Variants in MYO1E observed in about 807,000 individuals in gnomAD.
MYO1E encodes myosin IE, also known as unconventional myosin-Ie.
MYO1E carries 68 observed loss-of-function variants against 151.1 expected under a neutral mutation model. The observed-to-expected ratio is 0.45, with a 90% CI of 0.37 to 0.55. MYO1E has a LOEUF of 0.55. MYO1E is among the 20% of genes least tolerant of loss of function. The pLI is 0.00. For missense variants in MYO1E, 1,363 were observed against 1,389.3 expected, an observed-to-expected ratio of 0.98 and a Z score of 0.30; for synonymous variants, 601 against 501.7, an observed-to-expected ratio of 1.20 and a Z score of -2.64.
intron 1 of MYO1E, among the ~76,000 whole-genome samples, chr15:59,365,314 C>T (rs60602721): frequency 0.024 from 3,673 of 152,166 alleles, 130 homozygotes; most frequent in African/African-American, 0.083. Context: ...CCACCGCGCC[C>T]GGCTGAATTC....
intron 14 of MYO1E, chr15:59,207,430 G>A (rs1478862483): frequency 1.2e-6 from 2 of 1,614,014 alleles, no homozygotes; most frequent in East Asian, 2.2e-5. Context: ...GCGAAATGTG[G>A]CCATCTTCAA....
intron 1 of MYO1E, among the ~76,000 whole-genome samples, chr15:59,297,045 A>G (rs79263606): frequency 0.58 from 35,400 of 61,442 alleles, 13,088 homozygotes; most frequent in South Asian, 0.82. Flanking sequence ...GTAGAGACAG[A>G]GTTTCACTGT....
chr15:59,181,131 C>G (rs1398851226), intron 18 of MYO1E, among the ~76,000 whole-genome samples: 1 of 152,178 alleles, frequency 6.6e-6, no homozygotes, highest in East Asian at 1.9e-4. Context: ...CTCTCCACCA[C>G]TCCGTGCTTT....
intron 16 of MYO1E, among the ~76,000 whole-genome samples, chr15:59,198,547 G>A (rs374797288): frequency 5.3e-5 from 8 of 152,176 alleles, no homozygotes; most frequent in African/African-American, 1.9e-4. Context: ...TGGGTGCAAC[G>A]GCTCACTCCT....
chr15:59,164,195 A>G (rs2079552545), intron 22 of MYO1E, among the ~76,000 whole-genome samples: 1 of 152,214 alleles, frequency 6.6e-6, no homozygotes, highest in Non-Finnish European at 1.5e-5. Flanking sequence ...TATGTAATTG[A>G]GAATTTGCAT....
At chr15:59,194,907 T>C (rs545836480) in intron 17 of MYO1E, among the ~76,000 whole-genome samples, 2 of 152,364 alleles carry the variant, frequency 1.3e-5, no homozygotes, top group African/African-American at 4.8e-5. Context: ...TGAATTCTTG[T>C]GCTCTGCATT....
chr15:59,201,000 G>A (rs1365255435), intron 16 of MYO1E, among the ~76,000 whole-genome samples: 2 of 152,038 alleles, frequency 1.3e-5, no homozygotes, highest in African/African-American at 2.4e-5. Flanking sequence ...GAAGTATTCA[G>A]CTGGTATAAT....
At chr15:59,338,204 G>A (rs2080741417) in intron 1 of MYO1E, among the ~76,000 whole-genome samples, 1 of 149,534 alleles carries the variant, frequency 6.7e-6, no homozygotes, top group Admixed American at 6.7e-5. Flanking sequence ...GAATTTGGTA[G>A]CTGTCTCTAC....
chr15:59,168,717 C>G (rs2079575471), intron 22 of MYO1E, among the ~76,000 whole-genome samples: 1 of 152,012 alleles, frequency 6.6e-6, no homozygotes, highest in Non-Finnish European at 1.5e-5. Flanking sequence ...ACCTATTGGG[C>G]TCAAGCAATC....
intron 4 of MYO1E, among the ~76,000 whole-genome samples, chr15:59,252,239 A>T (rs1416079654): frequency 6.6e-6 from 1 of 152,152 alleles, no homozygotes; most frequent in East Asian, 1.9e-4. Context: ...GGCAGTGAGC[A>T]CTCTTGGTGT....
intron 18 of MYO1E, among the ~76,000 whole-genome samples, chr15:59,186,732 A>G (rs1361889619): frequency 4.6e-5 from 7 of 152,224 alleles, no homozygotes; most frequent in African/African-American, 1.7e-4. Flanking sequence ...TGAGTAATAG[A>G]GCAAGACTTT....
chr15:59,257,062 A>C (rs548490561), intron 3 of MYO1E, among the ~76,000 whole-genome samples: 1 of 152,346 alleles, frequency 6.6e-6, no homozygotes, highest in South Asian at 2.1e-4. Context: ...TTAGCTATGC[A>C]CAAATATCAA....
intron 1 of MYO1E, among the ~76,000 whole-genome samples, chr15:59,358,299 C>A (rs2080866221): frequency 6.6e-6 from 1 of 152,038 alleles, no homozygotes; most frequent in Non-Finnish European, 1.5e-5. Flanking sequence ...AGAGAGCTCC[C>A]TTTGGTTTAC....
chr15:59,272,876 C>T (rs759903298), intron 1 of MYO1E, among the ~76,000 whole-genome samples: 9 of 152,162 alleles, frequency 5.9e-5, no homozygotes, highest in Non-Finnish European at 4.4e-5. Flanking sequence ...AAATAAGCAA[C>T]GACATAGAAA....
At chr15:59,294,718 C>A (rs1246375897) in intron 1 of MYO1E, among the ~76,000 whole-genome samples, 1 of 152,162 alleles carries the variant, frequency 6.6e-6, no homozygotes, top group Admixed American at 6.5e-5. Context: ...GGAGCTCCTC[C>A]CTACCAGTCA....
chr15:59,221,106 C>T (rs1350069953), intron 9 of MYO1E, among the ~76,000 whole-genome samples: 2 of 149,420 alleles, frequency 1.3e-5, no homozygotes, highest in African/African-American at 4.9e-5. Context: ...GCCCAGGGTT[C>T]AAACGATTCT....
intron 1 of MYO1E, among the ~76,000 whole-genome samples, chr15:59,274,517 C>T (rs2080306829): frequency 6.6e-6 from 1 of 152,160 alleles, no homozygotes; most frequent in Admixed American, 6.5e-5. Flanking sequence ...AGTAACCAAC[C>T]TGCAGATTGG....
chr15:59,370,254 G>C (rs181479240), intron 1 of MYO1E, among the ~76,000 whole-genome samples: 7 of 152,354 alleles, frequency 4.6e-5, no homozygotes, highest in Non-Finnish European at 1.0e-4. Context: ...ACAAAATGAA[G>C]TATCATTTGG....
At chr15:59,209,787 G>T (rs1217860823) in intron 13 of MYO1E, among the ~76,000 whole-genome samples, 4 of 68,336 alleles carry the variant, frequency 5.9e-5, no homozygotes, top group Admixed American at 1.5e-4. Context: ...AGAGATATTT[G>T]TTCTGTATCA....
Sources: gnomAD v4.1 joint callset for allele counts (sites outside exome capture counted in the v4.1 genomes callset) on GRCh38, gnomAD v4.1.1 for gene constraint, MANE v1.5 for transcripts, NCBI Gene and HGNC (gene_info 2026-07-23, HGNC 2026-07-21) for gene names.